STK10: variants seen among roughly 807,000 people sequenced by gnomAD.
STK10 encodes serine/threonine-protein kinase 10.
A neutral mutation model predicts 113.8 loss-of-function variants in STK10; 78 were observed. The ratio of observed to expected loss-of-function variants is 0.69; its 90% CI spans 0.57 to 0.83. The LOEUF is 0.83. Ranked by LOEUF, STK10 falls within the 40% of genes least tolerant of loss-of-function variation. STK10 has a pLI of 0.00. For synonymous variants in STK10, 465 were observed against 494.7 expected (o/e 0.94, Z 0.80); for missense variants, 1,109 against 1,280.1 (o/e 0.87, Z 2.04).
At chr5:172,169,772 C>T (rs138761999) in intron 1 of STK10, among the ~76,000 whole-genome samples, 2 of 152,222 alleles carry the variant, frequency 1.3e-5, no homozygotes, top group Non-Finnish European at 2.9e-5. Context: ...GAATCGACCC[C>T]GCTCCCTCCG....
At chr5:172,130,216 A>G (rs1769720825) in intron 2 of STK10, among the ~76,000 whole-genome samples, 1 of 152,164 alleles carries the variant, frequency 6.6e-6, no homozygotes, top group African/African-American at 2.4e-5. Context: ...TGTAAGGAAC[A>G]GATGAGGTGG....
chr5:172,168,120 T>C (rs570266732), intron 1 of STK10, among the ~76,000 whole-genome samples: 1 of 152,282 alleles, frequency 6.6e-6, no homozygotes, highest in African/African-American at 2.4e-5. Context: ...AGGGTTCCTA[T>C]TTCCCTGTCT....
intron 2 of STK10, among the ~76,000 whole-genome samples, chr5:172,142,427 G>A (rs569091019): frequency 2.0e-5 from 3 of 152,184 alleles, no homozygotes; most frequent in Non-Finnish European, 4.4e-5. Flanking sequence ...GTGTGCAGGT[G>A]TTCTAAGGTT....
Position 172,111,636 on chromosome 5 carries a change from T to C in STK10, c.521-3784A>G, listed in dbSNP as rs1581161851. ...AAGGGATTTTCACCATGCAGTCTCT[T>C]CTGATGAAAACACTCCCCCTTCTCC... On this transcript the variant is annotated intron_variant, in intron 4 of 18. Transcript: ENST00000176763. Among the ~76,000 whole-genome samples the C allele has an allele frequency of 2.0e-5, 3 of 152,314 alleles. No individual in the cohort carries two copies. In the South Asian group the frequency reaches 6.2e-4, roughly 32 times the overall value.
At chr5:172,066,087 C>A (rs997861100) in intron 12 of STK10, among the ~76,000 whole-genome samples, 1 of 152,136 alleles carries the variant, frequency 6.6e-6, no homozygotes, top group Non-Finnish European at 1.5e-5. Context: ...TGACAGAGGG[C>A]TCTTAAGAGC....
At chr5:172,149,422 C>T (rs547575905) in intron 2 of STK10, among the ~76,000 whole-genome samples, 2 of 152,194 alleles carry the variant, frequency 1.3e-5, no homozygotes, top group African/African-American at 4.8e-5. Flanking sequence ...ATGGGCATGT[C>T]GATACAGTAA....
intron 1 of STK10, among the ~76,000 whole-genome samples, chr5:172,184,089 C>T (rs3822509): frequency 0.16 from 23,972 of 152,108 alleles, 1,967 homozygotes; most frequent in East Asian, 0.29. Flanking sequence ...AAAAACAGTG[C>T]TACTGGCAGT....
intron 18 of STK10, among the ~76,000 whole-genome samples, chr5:172,049,588 C>T (rs1227233386): frequency 6.6e-6 from 1 of 151,976 alleles, no homozygotes; most frequent in African/African-American, 2.4e-5. Flanking sequence ...GTCCACGAAC[C>T]CCTAGGGGGC....
chr5:172,117,706 G>A (rs894125147), intron 3 of STK10, 76 bp from the exon 4 acceptor site: 2 of 1,578,336 alleles, frequency 1.3e-6, no homozygotes, highest in Non-Finnish European at 1.7e-6. Flanking sequence ...CCCACGCCAG[G>A]GAGAAATATA....
intron 2 of STK10, among the ~76,000 whole-genome samples, chr5:172,150,954 GA>G (rs1194258729): frequency 3.9e-5 from 6 of 152,188 alleles, no homozygotes; most frequent in African/African-American, 1.4e-4. Flanking sequence ...GGCTGCTCGC[GA>G]CAGACCCCTG....
At chr5:172,137,754 G>A (rs1444303912) in intron 2 of STK10, among the ~76,000 whole-genome samples, 13 of 150,316 alleles carry the variant, frequency 8.6e-5, no homozygotes, top group South Asian at 2.1e-4. Flanking sequence ...TTAGCCGGGC[G>A]TGGTGGCGGG....
chr5:172,118,981 T>C (rs1769445797), intron 3 of STK10, among the ~76,000 whole-genome samples: 1 of 151,820 alleles, frequency 6.6e-6, no homozygotes, highest in African/African-American at 2.4e-5. Flanking sequence ...TTTTTGCCTA[T>C]TAAACTTTCC....
At position 172,089,419 on chromosome 5, in the gene STK10, T is replaced by TGGATGGATGGATGGATGGATGGAA. The variant is rs1554118121; in HGVS notation, c.1685+812_1685+813insTTCCATCCATCCATCCATCCATCC. Among the ~76,000 whole-genome samples the TGGATGGATGGATGGATGGATGGAA allele has an allele frequency of 4.7e-3, 698 of 149,646 alleles. 6 individuals are homozygous for TGGATGGATGGATGGATGGATGGAA. Among genetic ancestry groups the TGGATGGATGGATGGATGGATGGAA allele is most frequent in the African/African-American group, 0.016 (646 of 39,398 alleles). The stretch of plus-strand genomic sequence containing the variant: ...ATGGATGGATGGATGGATGGATGGA[T>TGGATGGATGGATGGATGGATGGAA]GGATGGATGGATGGATGGATGGATG... On this transcript the variant is annotated intron_variant, in intron 10 of 18. Transcript: ENST00000176763.
intron 4 of STK10, among the ~76,000 whole-genome samples, chr5:172,111,713 C>T (rs976655072): frequency 6.6e-6 from 1 of 152,230 alleles, no homozygotes; most frequent in African/African-American, 2.4e-5. Flanking sequence ...AGGGAAATCT[C>T]CCTTTCTCCG....
At chr5:172,097,490 C>T (rs1768883320) in intron 7 of STK10, among the ~76,000 whole-genome samples, 1 of 152,262 alleles carries the variant, frequency 6.6e-6, no homozygotes, top group Admixed American at 6.5e-5. Context: ...CCTCAGCTTC[C>T]TAGAAACAGA....
In STK10 at chr5:172,082,962, T is replaced by C. The variant is rs146527200; in HGVS notation, c.1808A>G (p.Asn603Ser). Residue 603 changes from asparagine to serine, a missense_variant and splice_region_variant, in exon 11 of 19, where the codon AAC (asparagine) becomes AGC (serine). Asn to Ser is a conservative substitution (Grantham distance 46). Around this residue, in one of 5 missense-constraint regions of STK10, gnomAD observed 885 missense variants for 991.1 expected, o/e 0.89. Coordinates refer to ENST00000176763, the MANE Select transcript of STK10 (RefSeq NM_005990.4). The surrounding 1 kb of genome is among the most constrained non-coding windows in gnomAD (Gnocchi z 4.3). Reference sequence around the variant, plus strand: ...GGTCCCATCTTTTCTCGCACTCACGTTGATTTCCTGTTCAAAACGTTTATG... The same window carrying C: ...GGTCCCATCTTTTCTCGCACTCACGCTGATTTCCTGTTCAAAACGTTTATG... ...QMHKRFEQEINAKKKFFDTEL... is the reference protein window; with the variant it reads ...QMHKRFEQEISAKKKFFDTEL... 1 of 1,613,312 alleles carries C rather than the reference T, an allele frequency of 6.2e-7. No homozygotes were observed. The highest frequency in any genetic ancestry group is 1.3e-5 in the African/African-American group (1 of 74,886).
rs758577525 is a variant in STK10, at chr5:172,057,373, G to C, written c.2313C>G (p.His771Gln). The C allele has an allele frequency of 4.5e-6, 7 of 1,569,706 alleles. No homozygotes were observed. The highest frequency in any genetic ancestry group is 1.4e-5 in the African/African-American group (1 of 73,884). ...CCTTCTCATGCTTGCGCAGCAGCTC[G>C]TGCCGCTGGAGGAAGTACTGGTCTT... ...QLKDQYFLQR[H>Q]ELLRKHEKER... The change falls in exon 15 of 19, where the codon CAC becomes CAG. Residue 771 changes from histidine to glutamine, a missense_variant. His to Gln is a conservative substitution (Grantham distance 24). This residue lies in a region of STK10 where 885 missense variants were observed against 991.1 expected (regional missense o/e 0.89). Coordinates refer to ENST00000176763, the MANE Select transcript of STK10 (RefSeq NM_005990.4).
At chr5:172,126,022 C>T in intron 3 of STK10, among the ~76,000 whole-genome samples, 1 of 152,318 alleles carries the variant, frequency 6.6e-6, no homozygotes, top group South Asian at 2.1e-4. Flanking sequence ...GAGGTAAACT[C>T]AGGGAAAATA....
At chr5:172,100,676 A>T (rs1318455761) in intron 7 of STK10, among the ~76,000 whole-genome samples, 3 of 151,928 alleles carry the variant, frequency 2.0e-5, no homozygotes, top group Admixed American at 2.0e-4. Context: ...AATCCCAGCT[A>T]CTCGGGAGGC....
Sources: gnomAD v4.1 joint callset for allele counts (sites outside exome capture counted in the v4.1 genomes callset) on GRCh38, gnomAD v4.1.1 for gene constraint, gnomAD v4.1.1 regional missense constraint, Gnocchi (gnomAD v3.1) non-coding constraint, MANE v1.5 for transcripts, NCBI Gene and HGNC (gene_info 2026-07-23, HGNC 2026-07-21) for gene names.